The following IGDCC4 variants were observed in gnomAD, a reference collection of about 807,000 sequenced individuals.
IGDCC4 encodes the protein immunoglobulin superfamily DCC subclass member 4.
A neutral mutation model predicts 116.6 loss-of-function variants in IGDCC4; 72 were observed. The ratio of observed to expected loss-of-function variants is 0.62; its 90% CI spans 0.51 to 0.75. The LOEUF (loss-of-function observed/expected upper bound fraction) is 0.75, where lower values mean the gene tolerates loss of function less well. IGDCC4 is among the 30% of genes least tolerant of loss of function. The pLI is 0.00. For synonymous variants in IGDCC4, 709 were observed against 719.9 expected (o/e 0.98, Z 0.24); for missense variants, 1,501 against 1,662.4 (o/e 0.90, Z 1.69).
chr15:65,422,011 T>A (rs1435879439), intron 1 of IGDCC4, among the ~76,000 whole-genome samples: 2 of 152,102 alleles, frequency 1.3e-5, no homozygotes, highest in Non-Finnish European at 2.9e-5. Flanking sequence ...CACGCTTCCC[T>A]GGTCGGTCCC....
chr15:65,384,442 A>C lies in IGDCC4; in HGVS notation c.3343-23T>G. 1 of 1,485,452 alleles carries C rather than the reference A, an allele frequency of 6.7e-7. No individual in the cohort carries two copies. The highest frequency in any genetic ancestry group is 1.4e-5 in the South Asian group (1 of 72,512). The allele number at this position is 1,485,452 out of a possible 1,614,324, so 92.0% of individuals were successfully genotyped here. ...GCCCTGATCAGAGCAGAGAACACAA[A>C]GACAAAGTGACCATTACTGAGAGTA... On this transcript the variant is annotated intron_variant, in intron 19 of 19. Coordinates refer to ENST00000352385, the MANE Select transcript of IGDCC4 (RefSeq NM_020962.3). This position sits in a 1 kb window ranked among gnomAD's most constrained non-coding sequence, Gnocchi z 4.9.
chr15:65,384,008 G>A lies in IGDCC4; in HGVS notation c.*1C>T, dbSNP rs546179382. 30 of 1,580,646 alleles carry A rather than the reference G, an allele frequency of 1.9e-5. No homozygotes were observed. In the East Asian group the frequency reaches 6.6e-4, roughly 35 times the overall value. Reference sequence around the variant, plus strand: ...CCCCAAACCACATCCTCTGGGAAGAGCTAGGCAGAGGAGGAGACCGGGGAT... The same window carrying A: ...CCCCAAACCACATCCTCTGGGAAGAACTAGGCAGAGGAGGAGACCGGGGAT... On this transcript the variant is annotated 3_prime_UTR_variant, in exon 20 of 20. Transcript: ENST00000352385. This position sits in a 1 kb window ranked among gnomAD's most constrained non-coding sequence, Gnocchi z 4.9.
rs768714939 is a variant in IGDCC4, at chr15:65,400,906, C to T, written c.741G>A (p.Val247=). 5.6e-6 allele frequency: 9 copies of T among 1,614,158 alleles called. No homozygotes were observed. The East Asian group carries it at 2.0e-4, about 36-fold the overall frequency. Residue 247 remains valine, a synonymous_variant, in exon 5 of 20, where the codon GTG becomes GTA. Transcript: ENST00000352385. ...CCACTGTGGTGTTCTCTGGGGCTGCCACAATGACCACGTCCTGCCCCCTGG... is the reference window on the plus strand; with the variant it reads ...CCACTGTGGTGTTCTCTGGGGCTGCTACAATGACCACGTCCTGCCCCCTGG... ...ASTRGQDVVI[V]AAPENTTVVS... is the part of the protein sequence containing the mutation.
Position 65,386,533 on chromosome 15 carries a change from A to G in IGDCC4, c.2951+18T>C. 2 of 1,580,214 alleles carry G rather than the reference A, an allele frequency of 1.3e-6. No individual in the cohort carries two copies. The highest frequency in any genetic ancestry group is 1.7e-6 in the Non-Finnish European group (2 of 1,165,936). On this transcript the variant is annotated intron_variant, in intron 17 of 19. Transcript: ENST00000352385. ...GGAAGTCTCCCTTCCCTGAAGTCAG[A>G]CTGGCTCCCCTGCTCACCTGTGGGG...
At chr15:65,415,333 G>T (rs2063132732) in intron 1 of IGDCC4, among the ~76,000 whole-genome samples, 1 of 152,246 alleles carries the variant, frequency 6.6e-6, no homozygotes, top group African/African-American at 2.4e-5. Flanking sequence ...CAGCTGCTGG[G>T]TATGTCAGCA....
Position 65,384,843 on chromosome 15 carries a change from C to G in IGDCC4, c.3342+111G>C, listed in dbSNP as rs2091437286. ...CTCCAGGGGTCTCCTGGCTAGACTTCTATCCCCAGGAAAGTTACCACCCAG... is the reference window on the plus strand; with the variant it reads ...CTCCAGGGGTCTCCTGGCTAGACTTGTATCCCCAGGAAAGTTACCACCCAG... On this transcript the variant is annotated intron_variant, in intron 19 of 19. Coordinates refer to ENST00000352385, the MANE Select transcript of IGDCC4 (RefSeq NM_020962.3). This position sits in a 1 kb window ranked among gnomAD's most constrained non-coding sequence, Gnocchi z 4.9. 5 of 1,392,052 alleles carry G rather than the reference C, an allele frequency of 3.6e-6. No homozygotes were observed. The highest frequency in any genetic ancestry group is 4.8e-6 in the Non-Finnish European group (5 of 1,035,886). 86.2% of individuals were successfully genotyped at this position (1,392,052 alleles called of 1,614,324 possible).
chr15:65,395,976 G>A lies in IGDCC4; in HGVS notation c.1185C>T (p.Ile395=). Reference sequence around the variant, plus strand: ...GGTAGTAGCCGGCGTCCTGCAGGCCGATCTGTGTGATGACCAGGCTGCCAC... The same window carrying A: ...GGTAGTAGCCGGCGTCCTGCAGGCCAATCTGTGTGATGACCAGGCTGCCAC... ...GGGGSLVITQ[I]GLQDAGYYQC... Residue 395 remains isoleucine (I), a synonymous_variant, in exon 7 of 20, where the codon ATC becomes ATT. Coordinates refer to ENST00000352385, the MANE Select transcript of IGDCC4 (RefSeq NM_020962.3). 1 of 1,578,130 alleles carries A rather than the reference G, an allele frequency of 6.3e-7. No homozygotes were observed. The highest frequency in any genetic ancestry group is 8.5e-7 in the Non-Finnish European group (1 of 1,170,202).
At chr15:65,396,701 A>G in intron 6 of IGDCC4, 133 bp downstream of exon 6, 1 of 1,148,888 alleles carries the variant, frequency 8.7e-7, no homozygotes, top group Non-Finnish European at 1.2e-6. Flanking sequence ...CCGCCTTACT[A>G]GGGACTCCTC....
chr15:65,410,195 T>C lies in IGDCC4; in HGVS notation c.546A>G (p.Thr182=), dbSNP rs1325018352. Residue 182 remains threonine (T), a synonymous_variant, in exon 3 of 20, where the codon ACA becomes ACG. Transcript: ENST00000352385. ...GCACTCACCGAGGCTCCTCAGGCAA[T>C]GTCACCTGGTCCTTCTCCCAAGTAA... ...PIITWEKDQV[T]LPEEPRLIVL... is the part of the protein sequence containing the mutation. 6.2e-7 allele frequency: 1 copy of C among 1,613,388 alleles called. No homozygotes were observed. The highest frequency in any genetic ancestry group is 8.5e-7 in the Non-Finnish European group (1 of 1,179,998).
At chr15:65,388,311 A>T in intron 16 of IGDCC4, 138 bp downstream of exon 16, 1 of 1,149,534 alleles carries the variant, frequency 8.7e-7, no homozygotes, top group Admixed American at 2.1e-5. Context: ...ACTGAACCAC[A>T]CCTATTTCCC....
chr15:65,399,832 A>T (rs1419851899), intron 5 of IGDCC4, among the ~76,000 whole-genome samples: 1 of 152,250 alleles, frequency 6.6e-6, no homozygotes, highest in Non-Finnish European at 1.5e-5. Flanking sequence ...AGATGTATAG[A>T]GTAATAGAAT....
At chr15:65,402,623 C>A in intron 3 of IGDCC4, 136 bp from the exon 4 acceptor site, 1 of 1,179,142 alleles carries the variant, frequency 8.5e-7, no homozygotes, top group Non-Finnish European at 1.2e-6. Context: ...AATCCCAGCA[C>A]TTTGGGAGGC....
At chr15:65,391,401 G>A (rs1377127222) in intron 12 of IGDCC4, among the ~76,000 whole-genome samples, 1 of 152,184 alleles carries the variant, frequency 6.6e-6, no homozygotes, top group Admixed American at 6.5e-5. Flanking sequence ...CTGGAAACCA[G>A]GAGTCCCAGT....
chr15:65,386,052 G>A lies in IGDCC4; in HGVS notation c.2959C>T (p.Leu987Phe), dbSNP rs2091454843. 6.6e-7 allele frequency: 1 copy of A among 1,508,746 alleles called. No individual in the cohort carries two copies. The highest frequency in any genetic ancestry group is 8.8e-7 in the Non-Finnish European group (1 of 1,130,888). The allele number at this position is 1,508,746 out of a possible 1,614,324, so 93.5% of individuals were successfully genotyped here. Residue 987 changes from leucine (L) to phenylalanine (F), a missense_variant, in exon 18 of 20, where the codon CTC becomes TTC. Around this residue, in one of 3 missense-constraint regions of IGDCC4, gnomAD observed 368 missense variants for 355.6 expected, o/e 1.03. Transcript: ENST00000352385. ...GTGGCGGTGGAGGACAGGCCTGGGAGGGATTCCCTGGAAGGGAAGACGGAA... is the reference window on the plus strand; with the variant it reads ...GTGGCGGTGGAGGACAGGCCTGGGAAGGATTCCCTGGAAGGGAAGACGGAA... ...GLRRSPHRES[L>F]PGLSSTATPG...
intron 3 of IGDCC4, among the ~76,000 whole-genome samples, chr15:65,408,294 G>A (rs1028548832): frequency 2.2e-4 from 33 of 152,218 alleles, no homozygotes; most frequent in African/African-American, 7.9e-4. Flanking sequence ...TACCCTCTCT[G>A]GGGGGCATCA....
chr15:65,385,946 AC>A lies in IGDCC4; in HGVS notation c.3064del (p.Val1022CysfsTer48). On this transcript the variant is annotated frameshift_variant, in exon 18 of 20. Coordinates refer to ENST00000352385, the MANE Select transcript of IGDCC4 (RefSeq NM_020962.3). LOFTEE classifies it high-confidence loss of function. ...GGACCAGTCCTGGGGATGGGGGTGC[AC>A]AAGGGACTCCAATTCATGGGCAGCT... ...PPAAHELESL[V>X]HPHPQDWSPP... The A allele has an allele frequency of 6.2e-7, 1 of 1,607,154 alleles. No homozygotes were observed. The highest frequency in any genetic ancestry group is 8.5e-7 in the Non-Finnish European group (1 of 1,177,150).
intron 4 of IGDCC4, 142 bp from the exon 5 acceptor site, chr15:65,401,088 T>G: frequency 1.9e-6 from 2 of 1,072,240 alleles, no homozygotes; most frequent in Non-Finnish European, 1.4e-6. Context: ...GACGTAGCCA[T>G]AAAATTCAGC....
intron 3 of IGDCC4, among the ~76,000 whole-genome samples, chr15:65,405,337 CAGTT>C (rs1480387819): frequency 4.1e-5 from 6 of 146,744 alleles, no homozygotes; most frequent in African/African-American, 7.7e-5. Flanking sequence ...TAATATGTAT[CAGTT>C]AGGAAATATA....
At chr15:65,416,485 T>C (rs1490944345) in intron 1 of IGDCC4, among the ~76,000 whole-genome samples, 1 of 152,144 alleles carries the variant, frequency 6.6e-6, no homozygotes, top group Non-Finnish European at 1.5e-5. Context: ...GCAATATTTG[T>C]TTTAATATAA....
Sources: allele counts gnomAD v4.1 joint callset (sites outside exome capture counted in the v4.1 genomes callset), GRCh38; gene constraint gnomAD v4.1.1; regional missense constraint gnomAD v4.1.1; non-coding constraint Gnocchi (gnomAD v3.1); transcripts MANE v1.5; gene names NCBI Gene and HGNC (gene_info 2026-07-23, HGNC 2026-07-21).